FHOD3: variants seen among roughly 807,000 people sequenced by gnomAD.
FHOD3 encodes the protein formin homology 2 domain containing 3.
Under a neutral mutation model 173.0 loss-of-function variants are expected in FHOD3, and 90 were observed. The observed-to-expected ratio is 0.52, with a 90% CI of 0.44 to 0.62. The LOEUF is 0.62. FHOD3 is among the 20% of genes least tolerant of loss of function. The pLI is 0.00. For synonymous variants in FHOD3, 828 were observed against 823.0 expected (o/e 1.01, Z -0.10); for missense variants, 1,945 against 2,034.7 (o/e 0.96, Z 0.85).
intron 1 of FHOD3, among the ~76,000 whole-genome samples, chr18:36,322,957 C>T (rs954238489): frequency 3.3e-5 from 5 of 152,236 alleles, no homozygotes; most frequent in Admixed American, 3.3e-4. Flanking sequence ...GGGTAACCCT[C>T]ATGGGTGCCC....
At chr18:36,368,889 C>T (rs1352471159) in intron 2 of FHOD3, among the ~76,000 whole-genome samples, 1 of 152,114 alleles carries the variant, frequency 6.6e-6, no homozygotes, top group Non-Finnish European at 1.5e-5. Context: ...CCCCCCTGAT[C>T]CAATCACCCC....
chr18:36,391,608 G>A (rs1837175464), intron 3 of FHOD3, among the ~76,000 whole-genome samples: 1 of 152,128 alleles, frequency 6.6e-6, no homozygotes, highest in Non-Finnish European at 1.5e-5. Context: ...GCCTGGCTGA[G>A]CCCTGGGTTT....
At chr18:36,559,659 G>T (rs1033688152) in intron 5 of FHOD3, among the ~76,000 whole-genome samples, 1 of 152,034 alleles carries the variant, frequency 6.6e-6, no homozygotes, top group African/African-American at 2.4e-5. Flanking sequence ...TGTCTATTTT[G>T]GTTTTCATCA....
At chr18:36,350,548 A>G (rs1169565861) in intron 1 of FHOD3, among the ~76,000 whole-genome samples, 4 of 152,204 alleles carry the variant, frequency 2.6e-5, no homozygotes, top group African/African-American at 9.6e-5. Context: ...ACATGCTGCC[A>G]GGGGATCAGG....
intron 20 of FHOD3, among the ~76,000 whole-genome samples, chr18:36,738,835 C>CT (rs1438114605): frequency 6.6e-6 from 1 of 152,168 alleles, no homozygotes; most frequent in Admixed American, 6.5e-5. Context: ...ATTACTATAG[C>CT]TTTTTATTTA....
At chr18:36,654,125 C>CA (rs1185152094) in intron 13 of FHOD3, among the ~76,000 whole-genome samples, 2 of 152,194 alleles carry the variant, frequency 1.3e-5, no homozygotes, top group African/African-American at 4.8e-5. Flanking sequence ...AAGTCCTTGT[C>CA]AGCAAGATGT....
At chr18:36,612,221 G>A (rs999461100) in intron 9 of FHOD3, 126 bp downstream of exon 9, 18 of 1,031,012 alleles carry the variant, frequency 1.7e-5, no homozygotes, top group African/African-American at 1.3e-4. Context: ...ACTCAGCATC[G>A]TAGGCTTCAC....
chr18:36,494,220 G>A (rs2054619080), intron 3 of FHOD3, among the ~76,000 whole-genome samples: 3 of 152,116 alleles, frequency 2.0e-5, no homozygotes, highest in Admixed American at 6.5e-5. Flanking sequence ...ATCTTTGTGG[G>A]CCACAAAGGG....
At chr18:36,687,040 A>T in intron 15 of FHOD3, 88 bp from the exon 16 acceptor site, 1 of 971,348 alleles carries the variant, frequency 1.0e-6, no homozygotes, top group Non-Finnish European at 1.6e-6. Flanking sequence ...CTTTCATGAT[A>T]TACTGTTTAT....
At chr18:36,480,300 A>G (rs1463578688) in intron 3 of FHOD3, among the ~76,000 whole-genome samples, 5 of 152,214 alleles carry the variant, frequency 3.3e-5, no homozygotes, top group Admixed American at 2.6e-4. Flanking sequence ...CCCCAGGCAC[A>G]TTAGAATCAT....
At chr18:36,652,036 A>G (rs1248656324) in intron 11 of FHOD3, among the ~76,000 whole-genome samples, 1 of 152,044 alleles carries the variant, frequency 6.6e-6, no homozygotes, top group Non-Finnish European at 1.5e-5. Context: ...CCTCGCTGGC[A>G]TTTTTTCTCC....
intron 5 of FHOD3, among the ~76,000 whole-genome samples, chr18:36,570,071 G>C (rs1358336834): frequency 6.6e-6 from 1 of 151,838 alleles, no homozygotes; most frequent in African/African-American, 2.4e-5. Flanking sequence ...TGATGAAGTT[G>C]AAAGCGGAGA....
chr18:36,372,490 C>G (rs1162809272), intron 2 of FHOD3, among the ~76,000 whole-genome samples, 190 bp from the exon 3 acceptor site: 1 of 152,232 alleles, frequency 6.6e-6, no homozygotes, highest in Non-Finnish European at 1.5e-5. Context: ...AGTCAGACTT[C>G]TTTATTTTAT....
chr18:36,543,959 C>G (rs2057321955), intron 5 of FHOD3, among the ~76,000 whole-genome samples: 1 of 152,186 alleles, frequency 6.6e-6, no homozygotes, highest in Non-Finnish European at 1.5e-5. Flanking sequence ...GTGGGGCAGA[C>G]AGTAGAGATT....
intron 19 of FHOD3, among the ~76,000 whole-genome samples, chr18:36,727,705 A>C (rs970836593): frequency 6.6e-6 from 1 of 152,110 alleles, no homozygotes; most frequent in African/African-American, 2.4e-5. Context: ...AATGGGGCCA[A>C]GGGCATGTCA....
chr18:36,362,263 G>A (rs771991226), intron 2 of FHOD3, among the ~76,000 whole-genome samples: 2 of 152,190 alleles, frequency 1.3e-5, no homozygotes, highest in East Asian at 1.9e-4. Context: ...GCCGAGGAAG[G>A]TGAGTGGATT....
At chr18:36,304,235 T>C (rs1668740979) in intron 1 of FHOD3, among the ~76,000 whole-genome samples, 1 of 152,190 alleles carries the variant, frequency 6.6e-6, no homozygotes, top group Non-Finnish European at 1.5e-5. Flanking sequence ...TAAGTAACAG[T>C]TTATGGCTTT....
intron 1 of FHOD3, among the ~76,000 whole-genome samples, chr18:36,352,581 G>A (rs1359611596): frequency 1.3e-5 from 2 of 152,158 alleles, no homozygotes; most frequent in Non-Finnish European, 2.9e-5. Context: ...TCCAGACAGC[G>A]CTACTTGCTC....
intron 5 of FHOD3, among the ~76,000 whole-genome samples, chr18:36,535,214 C>T (rs1254639695): frequency 6.6e-6 from 1 of 152,170 alleles, no homozygotes; most frequent in Non-Finnish European, 1.5e-5. Flanking sequence ...ATATAGTTTT[C>T]ACTCTCTAAG....
Sources: allele counts gnomAD v4.1 joint callset (sites outside exome capture counted in the v4.1 genomes callset), GRCh38; gene constraint gnomAD v4.1.1; transcripts MANE v1.5; gene names NCBI Gene and HGNC (gene_info 2026-07-23, HGNC 2026-07-21).